TACC2: variants seen among roughly 807,000 people sequenced by gnomAD.
TACC2 encodes the protein transforming acidic coiled-coil containing protein 2, also known as transforming acidic coiled-coil-containing protein 2.
In TACC2, 137 loss-of-function variants were observed where a neutral mutation model predicts 227.3. The ratio of observed to expected loss-of-function variants is 0.60; its 90% CI spans 0.52 to 0.69. The LOEUF (loss-of-function observed/expected upper bound fraction) is 0.69, where lower values mean the gene tolerates loss of function less well. TACC2 is among the 30% of genes least tolerant of loss of function. The pLI is 0.00. For missense variants in TACC2, 3,470 were observed against 3,694.4 expected (o/e 0.94, Z 1.57); for synonymous variants, 1,523 against 1,487.5 (o/e 1.02, Z -0.55).
intron 12 of TACC2, 87 bp downstream of exon 12, chr10:122,224,874 T>C: frequency 9.1e-7 from 1 of 1,099,480 alleles, no homozygotes; most frequent in East Asian, 2.4e-5. Flanking sequence ...CTCTGGGAGC[T>C]CAGACCCCAA....
intron 5 of TACC2, among the ~76,000 whole-genome samples, chr10:122,091,111 G>C (rs1432342226): frequency 6.6e-6 from 1 of 152,194 alleles, no homozygotes; most frequent in Non-Finnish European, 1.5e-5. Context: ...TTTAGGTTCT[G>C]ATGGTGTTCC....
In TACC2 at chr10:122,210,740, C is replaced by G; in HGVS notation, c.6315C>G (p.Ala2105=). The G allele has an allele frequency of 6.2e-7, 1 of 1,614,018 alleles. No homozygotes were observed. Among genetic ancestry groups the G allele is most frequent in the South Asian group, 1.1e-5 (1 of 91,054 alleles). The change falls in exon 9 of 23, where the codon GCC becomes GCG. Residue 2105 remains alanine (A), a synonymous_variant. Coordinates refer to ENST00000369005, the MANE Select transcript of TACC2 (RefSeq NM_206862.4). This position sits in a 1 kb window ranked among gnomAD's most constrained non-coding sequence, Gnocchi z 4.6. Reference sequence around the variant, plus strand: ...CTTCTTCCTCAGGCAATCCCGAGGCCGTGGCCCTTGCCCCAGATGCATATA... The same window carrying G: ...CTTCTTCCTCAGGCAATCCCGAGGCGGTGGCCCTTGCCCCAGATGCATATA... ...DGASSSGNPE[A]VALAPDAYST...
chr10:122,212,990 G>C (rs757110125), intron 9 of TACC2, among the ~76,000 whole-genome samples: 4 of 152,246 alleles, frequency 2.6e-5, no homozygotes, highest in Non-Finnish European at 4.4e-5. Flanking sequence ...CCTTCTCCAA[G>C]ATATGTTCTG....
At position 122,200,937 on chromosome 10, in the gene TACC2, ACAGCGACCTCACCCGCCCACAG is replaced by A. The variant is rs1280741374; in HGVS notation, c.5971+5762_5971+5783del. On this transcript the variant is annotated intron_variant, in intron 8 of 22. Transcript: ENST00000369005. ...CAGTGGCTGTGTTCACACGGGGAGG[ACAGCGACCTCACCCGCCCACAG>A]TGGCCACATCTACAGTGAGAGGACG... is the stretch of plus-strand genomic sequence containing the variant. Among the ~76,000 whole-genome samples the A allele has an allele frequency of 3.3e-4, 49 of 147,050 alleles. 4 individuals are homozygous for A. Among genetic ancestry groups the A allele is most frequent in the African/African-American group, 1.2e-3 (46 of 38,240 alleles).
chr10:122,182,941 T>C (rs187645552), intron 7 of TACC2, among the ~76,000 whole-genome samples: 49 of 152,240 alleles, frequency 3.2e-4, no homozygotes, highest in African/African-American at 1.1e-3. Context: ...TCTAAGCTCA[T>C]ATCTGTAATC....
rs540514141 is a variant in TACC2 at position 122,180,504 on chromosome 10, A to T, written c.5835-14536A>T. Among the ~76,000 whole-genome samples the T allele has an allele frequency of 5.3e-5, 8 of 151,494 alleles. No individual in the cohort carries two copies. The highest frequency in any genetic ancestry group is 5.3e-4 in the Admixed American group (8 of 15,222). On this transcript the variant is annotated intron_variant, in intron 7 of 22. Transcript: ENST00000369005. The surrounding 1 kb of genome is among the most constrained non-coding windows in gnomAD (Gnocchi z 4.5). ...AGGCGCCCGCCACCACACCCGGCTA[A>T]TTTTTTTGTGTTTTTGGTAGAAACG...
chr10:122,102,867 T>A (rs2082329741), intron 5 of TACC2, among the ~76,000 whole-genome samples: 1 of 152,202 alleles, frequency 6.6e-6, no homozygotes, highest in Non-Finnish European at 1.5e-5. Context: ...ACACATTTCC[T>A]TGTGTATATT....
At chr10:122,129,647 C>T (rs1344614947) in intron 5 of TACC2, among the ~76,000 whole-genome samples, 1 of 152,072 alleles carries the variant, frequency 6.6e-6, no homozygotes, top group Non-Finnish European at 1.5e-5. Context: ...GGAAAGTGCC[C>T]CTGTAGTTTG....
chr10:122,001,639 T>G (rs1954358461), intron 1 of TACC2, among the ~76,000 whole-genome samples: 1 of 152,210 alleles, frequency 6.6e-6, no homozygotes, highest in Non-Finnish European at 1.5e-5. Flanking sequence ...ATATTAAAAA[T>G]TGTGTCAGTG....
chr10:122,182,498 C>T (rs897658082), intron 7 of TACC2, among the ~76,000 whole-genome samples: 2 of 152,318 alleles, frequency 1.3e-5, no homozygotes, highest in Non-Finnish European at 1.5e-5. Context: ...TTGTTAAAAA[C>T]AATGACTTCT....
intron 8 of TACC2, among the ~76,000 whole-genome samples, chr10:122,201,481 C>T (rs1049632102): frequency 1.3e-5 from 2 of 152,312 alleles, no homozygotes; most frequent in South Asian, 2.1e-4. Flanking sequence ...GAAAGGATGG[C>T]GACGTCACCT....
chr10:122,203,379 C>G (rs1053965691), intron 8 of TACC2, among the ~76,000 whole-genome samples: 1 of 149,498 alleles, frequency 6.7e-6, no homozygotes, highest in Non-Finnish European at 1.5e-5. Context: ...GACCCCCCCA[C>G]CTCCCTCCCG....
chr10:122,224,283 G>A (rs1244447207), intron 11 of TACC2, among the ~76,000 whole-genome samples: 1 of 152,184 alleles, frequency 6.6e-6, no homozygotes, highest in Non-Finnish European at 1.5e-5. Flanking sequence ...GGCCAGAGCT[G>A]AATACCCAGA....
chr10:122,107,876 ATATATT>A (rs1412943717), intron 5 of TACC2, among the ~76,000 whole-genome samples: 7 of 85,580 alleles, frequency 8.2e-5, no homozygotes, highest in African/African-American at 3.1e-4. Flanking sequence ...ATATATATAT[ATATATT>A]TTTTTTTTCT....
intron 8 of TACC2, among the ~76,000 whole-genome samples, chr10:122,208,063 CAG>C (rs1374028522): frequency 2.6e-5 from 4 of 152,236 alleles, no homozygotes; most frequent in South Asian, 2.1e-4. Context: ...CTAGAGGAAA[CAG>C]GGAGTTGATT....
chr10:122,050,653 T>C lies in TACC2; in HGVS notation c.146+103T>C. On this transcript the variant is annotated intron_variant, in intron 3 of 22. Transcript: ENST00000369005. The surrounding 1 kb of genome is among the most constrained non-coding windows in gnomAD (Gnocchi z 4.6). ...CCATTTGCTTTGGAAACTGGACCCT[T>C]AGACACATGGTATCGTCCTCAGTGG... 1.2e-6 allele frequency: 1 copy of C among 846,382 alleles called. No individual in the cohort carries two copies. Among genetic ancestry groups the C allele is most frequent in the Non-Finnish European group, 1.9e-6 (1 of 522,068 alleles). 52.4% of individuals were successfully genotyped at this position (846,382 alleles called of 1,614,324 possible). A position where few individuals can be genotyped will look rare whatever the true frequency, so the allele number is the denominator to read the frequency against.
At chr10:122,075,188 C>CAAAAAAAA (rs74264562) in intron 3 of TACC2, among the ~76,000 whole-genome samples, 6 of 142,580 alleles carry the variant, frequency 4.2e-5, no homozygotes, top group African/African-American at 1.6e-4. Context: ...ATCTTGCTGC[C>CAAAAAAAA]AAAAAAAAAA....
intron 7 of TACC2, among the ~76,000 whole-genome samples, chr10:122,161,660 G>A (rs1485942508): frequency 6.6e-6 from 1 of 152,248 alleles, no homozygotes; most frequent in African/African-American, 2.4e-5. Flanking sequence ...ACGTTTAGAT[G>A]GCTTTGTGCT....
chr10:122,115,271 A>AGT (rs1180604805), intron 5 of TACC2, among the ~76,000 whole-genome samples: 77 of 60,752 alleles, frequency 1.3e-3, no homozygotes, highest in African/African-American at 2.0e-3. Flanking sequence ...TAGGTAGGTG[A>AGT]GTGTGTGTGT....
Sources: gnomAD v4.1 joint callset for allele counts (sites outside exome capture counted in the v4.1 genomes callset) on GRCh38, gnomAD v4.1.1 for gene constraint, Gnocchi (gnomAD v3.1) non-coding constraint, MANE v1.5 for transcripts, NCBI Gene and HGNC (gene_info 2026-07-23, HGNC 2026-07-21) for gene names.